The following GALNTL6 variants were observed in gnomAD, a reference collection of about 807,000 sequenced individuals.
GALNTL6 encodes polypeptide N-acetylgalactosaminyltransferase like 6, also known as polypeptide N-acetylgalactosaminyltransferase-like 6.
Under a neutral mutation model 73.7 loss-of-function variants are expected in GALNTL6, and 46 were observed. That is an observed-to-expected ratio of 0.62 (90% CI 0.49 to 0.80). The LOEUF (loss-of-function observed/expected upper bound fraction) is 0.80. Among genes scored for constraint, GALNTL6 ranks in the 30% least tolerant of loss-of-function variants. GALNTL6 has a pLI of 0.00. For missense variants in GALNTL6, 604 were observed against 755.0 expected (o/e 0.80, Z 2.34); for synonymous variants, 259 against 263.7 (o/e 0.98, Z 0.17).
chr4:172,360,102 A>G (rs368233587), intron 5 of GALNTL6, among the ~76,000 whole-genome samples: 2 of 152,206 alleles, frequency 1.3e-5, no homozygotes, highest in Non-Finnish European at 2.9e-5. Context: ...ATAAAACCAC[A>G]TGGATTTCTT....
At chr4:173,028,615 A>G (rs1275932861) in intron 12 of GALNTL6, among the ~76,000 whole-genome samples, 1 of 152,136 alleles carries the variant, frequency 6.6e-6, no homozygotes, top group African/African-American at 2.4e-5. Context: ...CCTAATACCT[A>G]ATATATGAAG....
At chr4:172,941,733 A>G (rs772060612) in intron 9 of GALNTL6, among the ~76,000 whole-genome samples, 24 of 152,224 alleles carry the variant, frequency 1.6e-4, no homozygotes, top group Non-Finnish European at 2.9e-4. Context: ...AGCAAACTCA[A>G]ATATTTTAGC....
At chr4:171,996,913 T>G (rs1740511550) in intron 2 of GALNTL6, among the ~76,000 whole-genome samples, 1 of 152,048 alleles carries the variant, frequency 6.6e-6, no homozygotes, top group South Asian at 2.1e-4. Flanking sequence ...CTAGTGAAGT[T>G]TATAGAACTA....
At chr4:171,874,983 C>G (rs1263697307) in intron 2 of GALNTL6, among the ~76,000 whole-genome samples, 1 of 151,938 alleles carries the variant, frequency 6.6e-6, no homozygotes, top group Non-Finnish European at 1.5e-5. Context: ...GTATTATAGG[C>G]AAAAACAAAA....
intron 7 of GALNTL6, among the ~76,000 whole-genome samples, chr4:172,849,853 A>G (rs1266807775): frequency 6.6e-6 from 1 of 152,202 alleles, no homozygotes; most frequent in Admixed American, 6.6e-5. Flanking sequence ...TAGGTACAGC[A>G]TGAGAGTATG....
chr4:172,228,453 A>G (rs1231898501), intron 2 of GALNTL6, among the ~76,000 whole-genome samples: 2 of 152,038 alleles, frequency 1.3e-5, no homozygotes, highest in African/African-American at 4.8e-5. Context: ...ATTATGCCCC[A>G]TTTTTATCCT....
chr4:172,843,281 C>G (rs533359657), intron 7 of GALNTL6, among the ~76,000 whole-genome samples: 16 of 152,360 alleles, frequency 1.1e-4, no homozygotes, highest in Admixed American at 2.0e-4. Context: ...CGCTTTACTT[C>G]TGTTCTGCCT....
At chr4:172,686,333 G>A (rs1020328923) in intron 5 of GALNTL6, among the ~76,000 whole-genome samples, 9 of 151,976 alleles carry the variant, frequency 5.9e-5, no homozygotes, top group South Asian at 2.1e-4. Context: ...CCCCACTCCC[G>A]CCATGAACCT....
chr4:172,112,893 G>T (rs567438844), intron 2 of GALNTL6, among the ~76,000 whole-genome samples: 1 of 151,560 alleles, frequency 6.6e-6, no homozygotes, highest in African/African-American at 2.4e-5. Flanking sequence ...GTGGACCCTC[G>T]CCAGACACCA....
At chr4:171,826,396 G>A (rs1188230539) in intron 2 of GALNTL6, among the ~76,000 whole-genome samples, 2 of 152,124 alleles carry the variant, frequency 1.3e-5, no homozygotes, top group African/African-American at 4.8e-5. Flanking sequence ...TCCAGACTAT[G>A]AATCACAACT....
At chr4:172,199,377 A>G in intron 2 of GALNTL6, among the ~76,000 whole-genome samples, 1 of 152,222 alleles carries the variant, frequency 6.6e-6, no homozygotes, top group African/African-American at 2.4e-5. Context: ...CTTAGATCAA[A>G]TATATAACAT....
chr4:172,853,750 A>G (rs1743966000), intron 7 of GALNTL6, among the ~76,000 whole-genome samples: 1 of 152,208 alleles, frequency 6.6e-6, no homozygotes. Context: ...ATTACAAGAG[A>G]GAATACCTGC....
At chr4:172,692,827 A>C (rs1733396811) in intron 5 of GALNTL6, among the ~76,000 whole-genome samples, 1 of 152,198 alleles carries the variant, frequency 6.6e-6, no homozygotes, top group Non-Finnish European at 1.5e-5. Flanking sequence ...TTATAAGTCA[A>C]GACTTCAAGG....
intron 2 of GALNTL6, among the ~76,000 whole-genome samples, chr4:171,960,036 A>G (rs1443212324): frequency 1.3e-5 from 2 of 152,224 alleles, no homozygotes; most frequent in African/African-American, 2.4e-5. Flanking sequence ...TCTACTCATT[A>G]TAGGTTTAAC....
intron 5 of GALNTL6, among the ~76,000 whole-genome samples, chr4:172,361,897 T>A (rs1578994557): frequency 6.6e-6 from 1 of 152,160 alleles, no homozygotes; most frequent in East Asian, 1.9e-4. Context: ...TTACTTGTCA[T>A]GTACTCATGG....
chr4:172,217,669 A>T (rs1579266882), intron 2 of GALNTL6, among the ~76,000 whole-genome samples: 1 of 152,246 alleles, frequency 6.6e-6, no homozygotes, highest in East Asian at 1.9e-4. Flanking sequence ...TTTTCTAGCT[A>T]TGTCTACTTC....
At chr4:172,939,345 G>A (rs767724781) in intron 9 of GALNTL6, among the ~76,000 whole-genome samples, 4 of 152,048 alleles carry the variant, frequency 2.6e-5, no homozygotes, top group African/African-American at 4.8e-5. Flanking sequence ...CTTAGAAGGA[G>A]CTTTTTATTT....
At chr4:172,212,403 G>A (rs557871646) in intron 2 of GALNTL6, among the ~76,000 whole-genome samples, 82 of 152,022 alleles carry the variant, frequency 5.4e-4, no homozygotes, top group African/African-American at 1.8e-3. Context: ...TTTGTGATCC[G>A]CCGCCTCAGC....
intron 5 of GALNTL6, among the ~76,000 whole-genome samples, chr4:172,689,529 A>G (rs1360132600): frequency 2.0e-5 from 3 of 152,232 alleles, no homozygotes; most frequent in African/African-American, 7.2e-5. Context: ...TGACACTTCA[A>G]CATTTTCAAG....
Sources: gnomAD v4.1 joint callset for allele counts (sites outside exome capture counted in the v4.1 genomes callset) on GRCh38, gnomAD v4.1.1 for gene constraint, MANE v1.5 for transcripts, NCBI Gene and HGNC (gene_info 2026-07-23, HGNC 2026-07-21) for gene names.